The following CALCR variants were observed in gnomAD, a reference collection of about 807,000 sequenced individuals.
The protein encoded by CALCR is calcitonin receptor.
CALCR carries 47 observed loss-of-function variants against 59.5 expected under a neutral mutation model. The observed-to-expected ratio is 0.79, with a 90% CI of 0.63 to 1.01. The LOEUF (loss-of-function observed/expected upper bound fraction) is 1.01, where lower values mean the gene tolerates loss of function less well. CALCR is among the 50% of genes least tolerant of loss of function. The pLI, the probability that CALCR is intolerant of heterozygous loss-of-function variation, is 0.00. For synonymous variants in CALCR, 213 were observed against 211.3 expected (o/e 1.01, Z -0.07); for missense variants, 566 against 597.1 (o/e 0.95, Z 0.54).
At chr7:93,534,252 G>A (rs1788926292) in intron 2 of CALCR, among the ~76,000 whole-genome samples, 1 of 151,678 alleles carries the variant, frequency 6.6e-6, no homozygotes, top group South Asian at 2.1e-4. Flanking sequence ...TATAATACAA[G>A]ATATGTATTA....
chr7:93,509,750 C>T (rs1052296476), intron 2 of CALCR, among the ~76,000 whole-genome samples: 5 of 151,898 alleles, frequency 3.3e-5, no homozygotes, highest in African/African-American at 7.2e-5. Context: ...TCCCTGACTA[C>T]GAACTTAGAA....
At chr7:93,475,844 T>C (rs759392978) in intron 5 of CALCR, among the ~76,000 whole-genome samples, 10 of 151,788 alleles carry the variant, frequency 6.6e-5, no homozygotes, top group Non-Finnish European at 1.0e-4. Context: ...ACACCCCCAT[T>C]ATTCACTCCC....
intron 2 of CALCR, among the ~76,000 whole-genome samples, chr7:93,556,130 G>A (rs115278539): frequency 1.9e-3 from 287 of 152,258 alleles, no homozygotes; most frequent in African/African-American, 6.5e-3. Context: ...GGGGATACTT[G>A]AATTTTTTTC....
intron 2 of CALCR, among the ~76,000 whole-genome samples, chr7:93,560,409 C>T (rs1789718737): frequency 6.6e-6 from 1 of 151,952 alleles, no homozygotes. Context: ...AAAAATATAT[C>T]TGCTGGTATG....
intron 2 of CALCR, among the ~76,000 whole-genome samples, chr7:93,521,361 A>G (rs1272080853): frequency 6.6e-6 from 1 of 152,142 alleles, no homozygotes; most frequent in African/African-American, 2.4e-5. Context: ...GAGAAATAGT[A>G]TACTGTCCAG....
intron 2 of CALCR, among the ~76,000 whole-genome samples, chr7:93,548,306 A>G (rs2116216196): frequency 6.6e-6 from 1 of 152,286 alleles, no homozygotes; most frequent in South Asian, 2.1e-4. Flanking sequence ...CTTGTTGGCA[A>G]AGCGAATGAC....
intron 8 of CALCR, among the ~76,000 whole-genome samples, chr7:93,454,627 A>G (rs1011481089): frequency 2.6e-5 from 4 of 151,782 alleles, no homozygotes; most frequent in Non-Finnish European, 4.4e-5. Context: ...AAAAAAAAAA[A>G]TAACATTTCA....
intron 2 of CALCR, among the ~76,000 whole-genome samples, chr7:93,507,922 C>CA (rs1371470441): frequency 9.4e-4 from 128 of 135,754 alleles, no homozygotes; most frequent in African/African-American, 2.5e-3. Context: ...GACTCCATCT[C>CA]AAAAAAAAAG....
chr7:93,439,477 T>C (rs2299243), intron 9 of CALCR, among the ~76,000 whole-genome samples: 17,139 of 152,222 alleles, frequency 0.11, 1,446 homozygotes, highest in East Asian at 0.46. Context: ...CCTCATCATT[T>C]TGTAGAAAGG....
intron 2 of CALCR, among the ~76,000 whole-genome samples, chr7:93,561,070 T>G (rs1001913825): frequency 2.0e-5 from 3 of 152,168 alleles, no homozygotes; most frequent in Non-Finnish European, 4.4e-5. Context: ...AAAAGGAAAC[T>G]GAGGCTAAGA....
intron 8 of CALCR, 88 bp downstream of exon 8, chr7:93,460,733 C>T: frequency 1.0e-6 from 1 of 1,002,406 alleles, no homozygotes; most frequent in Non-Finnish European, 1.4e-6. Context: ...TAAACAGCTG[C>T]TTAAGTCCAA....
intron 2 of CALCR, among the ~76,000 whole-genome samples, chr7:93,495,491 C>G (rs963111985): frequency 6.6e-6 from 1 of 151,248 alleles, no homozygotes; most frequent in Non-Finnish European, 1.5e-5. Flanking sequence ...TTGTTCTTTA[C>G]TTAAAGTGCC....
chr7:93,432,316 C>T (rs79272717), intron 13 of CALCR, among the ~76,000 whole-genome samples: 1,679 of 152,276 alleles, frequency 0.011, 35 homozygotes, highest in African/African-American at 0.038. Context: ...ACCATCCCAT[C>T]ACAGCCCTAT....
At chr7:93,454,125 C>T (rs907000048) in intron 8 of CALCR, among the ~76,000 whole-genome samples, 5 of 151,916 alleles carry the variant, frequency 3.3e-5, no homozygotes, top group African/African-American at 9.7e-5. Context: ...TCTCGGTTAC[C>T]TCTGTCACAT....
Position 93,505,581 on chromosome 7 carries a change from G to A in CALCR, c.-26-18574C>T, listed in dbSNP as rs561698709. On this transcript the variant is annotated intron_variant, in intron 2 of 13. Transcript: ENST00000426151. ...ACATTTCACTATGTCTTTCTCTCCC[G>A]TCTTCTCAACCCTGTCTCCTTCCTT... 7.1e-4 allele frequency among the ~76,000 whole-genome samples: 108 copies of A among 152,168 alleles called. 2 individuals carry two copies. Among genetic ancestry groups the A allele is most frequent in the African/African-American group, 2.6e-3 (106 of 41,506 alleles).
intron 7 of CALCR, among the ~76,000 whole-genome samples, chr7:93,467,124 C>G (rs1800456309): frequency 1.3e-5 from 2 of 151,404 alleles, no homozygotes; most frequent in Non-Finnish European, 3.0e-5. Flanking sequence ...GTTTGAGAAC[C>G]ATGATGATGT....
At chr7:93,495,978 T>A in intron 2 of CALCR, 2 of 1,437,640 alleles carry the variant, frequency 1.4e-6, no homozygotes, top group Non-Finnish European at 1.9e-6. Context: ...ATTTATTCTG[T>A]GAATAAATAA....
rs1192226518 is a variant in CALCR at position 93,426,379 on chromosome 7, T to C, written c.1402A>G (p.Ile468Val). ...ESAEIIPLNI[I>V]EQESSA ...ATTCAAGCAGATGACTCTTGCTCTA[T>C]GATATTCAAAGGGATGATCTCAGCA... The change falls in exon 14 of 14, where the codon ATA becomes GTA. Residue 468 changes from isoleucine to valine, a missense_variant. Physicochemically the swap from Ile to Val is conservative, Grantham distance 29. Transcript: ENST00000426151. The C allele has an allele frequency of 6.2e-7, 1 of 1,607,212 alleles. No individual in the cohort carries two copies. The highest frequency in any genetic ancestry group is 8.5e-7 in the Non-Finnish European group (1 of 1,173,764).
At chr7:93,467,972 T>G (rs1800475780) in intron 7 of CALCR, among the ~76,000 whole-genome samples, 1 of 151,692 alleles carries the variant, frequency 6.6e-6, no homozygotes, top group Non-Finnish European at 1.5e-5. Flanking sequence ...CAGTTTACTC[T>G]GAATCTACAT....
Sources: allele counts gnomAD v4.1 joint callset (sites outside exome capture counted in the v4.1 genomes callset), GRCh38; gene constraint gnomAD v4.1.1; transcripts MANE v1.5; gene names NCBI Gene and HGNC (gene_info 2026-07-23, HGNC 2026-07-21).